OR11A1: variants seen among roughly 807,000 people sequenced by gnomAD.
The protein encoded by OR11A1 is olfactory receptor 11A1.
For synonymous variants in OR11A1, 158 were observed against 152.2 expected (o/e 1.04, Z -0.28); for missense variants, 380 against 378.2 (o/e 1.00, Z -0.04).
At chr6:29,435,780 T>G (rs1783583257) in intron 1 of OR11A1, among the ~76,000 whole-genome samples, 1 of 152,246 alleles carries the variant, frequency 6.6e-6, no homozygotes, top group South Asian at 2.1e-4. Context: ...TTCACTAGAC[T>G]ACGAATTAGA....
chr6:29,455,843 T>A (rs1178811484), intron 1 of OR11A1, among the ~76,000 whole-genome samples: 1 of 120,118 alleles, frequency 8.3e-6, no homozygotes, highest in Non-Finnish European at 1.6e-5. Flanking sequence ...GCCATTGCAC[T>A]CCAGCCTAGG....
At chr6:29,436,957 G>C (rs1029754917) in intron 1 of OR11A1, among the ~76,000 whole-genome samples, 1 of 152,212 alleles carries the variant, frequency 6.6e-6, no homozygotes, top group African/African-American at 2.4e-5. Context: ...CGGCCGCAGC[G>C]GCTGCTTTCG....
intron 1 of OR11A1, among the ~76,000 whole-genome samples, chr6:29,436,632 G>T (rs11752690): frequency 1.3e-5 from 2 of 152,090 alleles, no homozygotes; most frequent in African/African-American, 4.8e-5. Context: ...GCTCCTACAG[G>T]GTTCAAGGCA....
rs1782918681 is a variant in OR11A1 at position 29,427,508 on chromosome 6, A to G, written c.134T>C (p.Met45Thr). Residue 45 changes from methionine to threonine, a missense_variant, in exon 5 of 5, where the codon ATG becomes ACG. Coordinates refer to ENST00000377149, the MANE Select transcript of OR11A1 (RefSeq NM_001394828.1). The stretch of plus-strand genomic sequence containing the variant: ...GCTAACCACTGCTACAATAATCAGC[A>G]TATTCCCTATGATGATGAAGACATA... ...AVYVFIIIGN[M>T]LIIVAVVSSQ... 6.2e-7 allele frequency: 1 copy of G among 1,613,006 alleles called. No homozygotes were observed. The highest frequency in any genetic ancestry group is 1.3e-5 in the African/African-American group (1 of 74,936).
At chr6:29,452,909 C>T (rs1785579528) in intron 1 of OR11A1, among the ~76,000 whole-genome samples, 1 of 151,666 alleles carries the variant, frequency 6.6e-6, no homozygotes, top group Non-Finnish European at 1.5e-5. Context: ...CATTAAAAGT[C>T]TAAAAATAAT....
chr6:29,450,532 A>T (rs563417035), intron 1 of OR11A1: 1 of 152,370 alleles, frequency 6.6e-6, no homozygotes, highest in Admixed American at 6.5e-5. Flanking sequence ...TAAGTACTCC[A>T]TCTGGCATGG....
In OR11A1 at chr6:29,426,028, G is replaced by T. The variant is rs1266268004; in HGVS notation, c.*666C>A. The T allele has an allele frequency of 1.3e-5, 2 of 152,284 alleles. No homozygotes were observed. Among genetic ancestry groups the T allele is most frequent in the African/African-American group, 4.8e-5 (2 of 41,438 alleles). The allele number at this position is 152,284 out of a possible 1,614,324, so 9.4% of individuals were successfully genotyped here. A position where few individuals can be genotyped will look rare whatever the true frequency, so the allele number is the denominator to read the frequency against. ...AAAGTTGTTCGTGACACAGTGTTCA[G>T]TGGAAAACCAGATTACAAACTCCAT... On this transcript the variant is annotated 3_prime_UTR_variant, in exon 5 of 5. Coordinates refer to ENST00000377149, the MANE Select transcript of OR11A1 (RefSeq NM_001394828.1).
In OR11A1 at chr6:29,428,948, A is replaced by G. The variant is rs113431375; in HGVS notation, c.-127T>C. 0.03 allele frequency: 29,340 copies of G among 971,858 alleles called. 1,159 individuals are homozygous for G. The highest frequency in any genetic ancestry group is 0.17 in the African/African-American group (9,494 of 56,554). The allele number at this position is 971,858 out of a possible 1,614,324, so 60.2% of individuals were successfully genotyped here. A position where few individuals can be genotyped will look rare whatever the true frequency, so the allele number is the denominator to read the frequency against. On this transcript the variant is annotated 5_prime_UTR_variant, in exon 4 of 5. Transcript: ENST00000377149. ...GTTTTCATATGCTATTCAAAGCAAT[A>G]TGTGTTTATTAACTGAAGACAATGA...
intron 1 of OR11A1, chr6:29,441,051 G>C: frequency 1.3e-6 from 1 of 795,616 alleles, no homozygotes; most frequent in Non-Finnish European, 2.0e-6. Context: ...CACATTAGGG[G>C]AGGGCCAGCC....
rs1382874362 is a variant in OR11A1, at chr6:29,426,455, A to C, written c.*239T>G. On this transcript the variant is annotated 3_prime_UTR_variant, in exon 5 of 5. Transcript: ENST00000377149. ...AGGCTTAATACCTGGGTGATGAAAT[A>C]ATCTGTACAGTAAACCCCCATGACA... 2.0e-6 allele frequency: 1 copy of C among 502,932 alleles called. No individual in the cohort carries two copies. The highest frequency in any genetic ancestry group is 3.5e-6 in the Non-Finnish European group (1 of 285,446). The allele number at this position is 502,932 out of a possible 1,614,324, so 31.2% of individuals were successfully genotyped here. A position where few individuals can be genotyped will look rare whatever the true frequency, so the allele number is the denominator to read the frequency against.
At chr6:29,441,685 G>A (rs1177106388) in intron 1 of OR11A1, among the ~76,000 whole-genome samples, 3 of 152,174 alleles carry the variant, frequency 2.0e-5, no homozygotes, top group African/African-American at 4.8e-5. Flanking sequence ...TAGTCACCCA[G>A]GTAATAAGCA....
At chr6:29,445,717 G>C (rs1784692142) in intron 1 of OR11A1, among the ~76,000 whole-genome samples, 1 of 152,188 alleles carries the variant, frequency 6.6e-6, no homozygotes, top group African/African-American at 2.4e-5. Flanking sequence ...ATCTTACACA[G>C]GGGCCAGGAA....
chr6:29,437,203 A>G (rs1783703755), intron 1 of OR11A1, among the ~76,000 whole-genome samples: 1 of 152,216 alleles, frequency 6.6e-6, no homozygotes, highest in African/African-American at 2.4e-5. Flanking sequence ...TACCCAAAGG[A>G]TTATAAATCA....
intron 1 of OR11A1, among the ~76,000 whole-genome samples, chr6:29,432,304 C>A (rs1783284464): frequency 6.6e-6 from 1 of 152,164 alleles, no homozygotes; most frequent in Admixed American, 6.5e-5. Flanking sequence ...CCAAAAGAGC[C>A]AAATGGAGCC....
In OR11A1 at chr6:29,426,987, A is replaced by C. The variant is rs759881388; in HGVS notation, c.655T>G (p.Tyr219Asp). Reference protein sequence around the residue: ...TIPFGLILTSYARIVVAVLRV... With the variant: ...TIPFGLILTSDARIVVAVLRV... ...AGCACTGCCACCACAATTCTGGCAT[A>C]AGATGTCAGAATCAGTCCAAAAGGA... Residue 219 changes from tyrosine to aspartate, a missense_variant, in exon 5 of 5, where the codon TAT (tyrosine) becomes GAT (aspartate). Coordinates refer to ENST00000377149, the MANE Select transcript of OR11A1 (RefSeq NM_001394828.1). 9 of 1,612,996 alleles carry C rather than the reference A, an allele frequency of 5.6e-6. No homozygotes were observed. Among genetic ancestry groups the C allele is most frequent in the Non-Finnish European group, 6.8e-6 (8 of 1,180,034 alleles).
Position 29,440,623 on chromosome 6 carries a change from C to T in OR11A1, c.-388-8636G>A, listed in dbSNP as rs1037578120. The T allele has an allele frequency of 6.2e-7, 1 of 1,613,964 alleles. No individual in the cohort carries two copies. Among genetic ancestry groups the T allele is most frequent in the Non-Finnish European group, 8.5e-7 (1 of 1,179,894 alleles). Reference sequence around the variant, plus strand: ...GAACTGCAGATTATCCTGGCAACAGCCCTCCTCATCCTCTGCCCCTTTGGC... The same window carrying T: ...GAACTGCAGATTATCCTGGCAACAGTCCTCCTCATCCTCTGCCCCTTTGGC... On this transcript the variant is annotated intron_variant, in intron 1 of 4. Transcript: ENST00000377149.
chr6:29,427,144 C>T lies in OR11A1; in HGVS notation c.498G>A (p.Gln166=). ...TGTGGTTGGGGCCACAGAACCTCAG[C>T]TGGGCCACCAGGGCCACAACCAGTC... The part of the protein sequence containing the change: ...VDGLVVALVA[Q]LRFCGPNHID... The change falls in exon 5 of 5, where the codon CAG becomes CAA. Residue 166 remains glutamine, a synonymous_variant. Transcript: ENST00000377149. 6.2e-7 allele frequency: 1 copy of T among 1,613,076 alleles called. No homozygotes were observed. Among genetic ancestry groups the T allele is most frequent in the South Asian group, 1.1e-5 (1 of 91,086 alleles).
intron 1 of OR11A1, among the ~76,000 whole-genome samples, chr6:29,444,041 T>TC (rs1784475234): frequency 6.6e-6 from 1 of 152,042 alleles, no homozygotes; most frequent in African/African-American, 2.4e-5. Flanking sequence ...TGGCTCTATG[T>TC]CCCCACCCAA....
chr6:29,454,566 A>T (rs374368137), intron 1 of OR11A1, among the ~76,000 whole-genome samples: 43 of 152,010 alleles, frequency 2.8e-4, no homozygotes, highest in African/African-American at 8.5e-4. Context: ...GGTTTTTTAT[A>T]AAAAAAATTT....
Sources: allele counts gnomAD v4.1 joint callset (sites outside exome capture counted in the v4.1 genomes callset), GRCh38; gene constraint gnomAD v4.1.1; transcripts MANE v1.5; gene names NCBI Gene and HGNC (gene_info 2026-07-23, HGNC 2026-07-21).